ACOXL: variants seen among roughly 807,000 people sequenced by gnomAD.
ACOXL encodes the protein acyl-CoA oxidase like.
A neutral mutation model predicts 71.9 loss-of-function variants in ACOXL; 70 were observed. That is an observed-to-expected ratio of 0.97 (90% CI 0.80 to 1.19). The LOEUF (loss-of-function observed/expected upper bound fraction) is 1.19, where lower values mean the gene tolerates loss of function less well. Ranked by LOEUF, ACOXL falls within the 50% of genes most tolerant of loss-of-function variation. The probability of loss-of-function intolerance (pLI) is 0.00; values close to 1 mark genes in which losing one functional copy is unlikely to be tolerated. For missense variants in ACOXL, 703 were observed against 736.3 expected (o/e 0.95, Z 0.52); for synonymous variants, 253 against 281.6 (o/e 0.90, Z 1.02).
At chr2:110,894,351 A>C (rs1415132298) in intron 10 of ACOXL, among the ~76,000 whole-genome samples, 3 of 147,974 alleles carry the variant, frequency 2.0e-5, no homozygotes, top group Non-Finnish European at 3.0e-5. Flanking sequence ...AAAAAAGCCC[A>C]AATGAGCCTG....
intron 12 of ACOXL, among the ~76,000 whole-genome samples, chr2:110,980,401 T>C (rs2062651712): frequency 6.6e-6 from 1 of 152,104 alleles, no homozygotes. Context: ...GGGACTGATG[T>C]CATGTGGTGC....
chr2:110,854,667 A>G (rs781774560), intron 10 of ACOXL, among the ~76,000 whole-genome samples: 7 of 152,210 alleles, frequency 4.6e-5, no homozygotes, highest in Non-Finnish European at 8.8e-5. Context: ...CTTCAGGTGC[A>G]GGGATGATGT....
chr2:110,933,694 T>C, intron 12 of ACOXL, 52 bp downstream of exon 12: 2 of 1,557,600 alleles, frequency 1.3e-6, no homozygotes, highest in South Asian at 2.4e-5. Context: ...CAACCCACAC[T>C]GGGGGAGCAC....
rs1194190215 is a variant in ACOXL at position 111,118,173 on chromosome 2, G to A, written c.*357G>A. ...CCGCCAAAGGTCTCCTGCTGTTAGC[G>A]GTGACTCACATTCCCAGTGATTTAG... On this transcript the variant is annotated 3_prime_UTR_variant, in exon 18 of 18. Transcript: ENST00000439055. 13 of 379,354 alleles carry A rather than the reference G, an allele frequency of 3.4e-5. No individual in the cohort carries two copies. In the East Asian group the frequency reaches 6.8e-4, roughly 20 times the overall value. The allele number at this position is 379,354 out of a possible 1,614,324, so 23.5% of individuals were successfully genotyped here. A position where few individuals can be genotyped will look rare whatever the true frequency, so the allele number is the denominator to read the frequency against.
At chr2:110,850,747 A>G (rs1305197968) in intron 10 of ACOXL, among the ~76,000 whole-genome samples, 1 of 152,196 alleles carries the variant, frequency 6.6e-6, no homozygotes, top group Non-Finnish European at 1.5e-5. Flanking sequence ...CCACTTTGGA[A>G]AAACACTTTG....
At chr2:110,833,578 A>G (rs1043497014) in intron 9 of ACOXL, among the ~76,000 whole-genome samples, 3 of 152,178 alleles carry the variant, frequency 2.0e-5, no homozygotes, top group African/African-American at 7.2e-5. Flanking sequence ...TACTGGATAA[A>G]GGGTACCCGG....
intron 17 of ACOXL, chr2:111,093,635 CG>C: frequency 8.3e-7 from 1 of 1,204,988 alleles, no homozygotes. Context: ...GAGGCTGAGG[CG>C]GGCAGATCTC....
chr2:110,821,686 A>G, intron 9 of ACOXL, among the ~76,000 whole-genome samples: 1 of 152,142 alleles, frequency 6.6e-6, no homozygotes, highest in East Asian at 1.9e-4. Flanking sequence ...GTGAGGAGTT[A>G]TGTTCCACCT....
At chr2:110,818,464 T>C (rs1192093440) in intron 9 of ACOXL, among the ~76,000 whole-genome samples, 2 of 147,488 alleles carry the variant, frequency 1.4e-5, no homozygotes, top group Non-Finnish European at 3.0e-5. Flanking sequence ...TATATATATA[T>C]ATGTATATGT....
At chr2:110,846,401 C>A (rs1252903523) in intron 10 of ACOXL, among the ~76,000 whole-genome samples, 1 of 152,120 alleles carries the variant, frequency 6.6e-6, no homozygotes, top group African/African-American at 2.4e-5. Flanking sequence ...TCACTAAAAT[C>A]CTGTACCCTT....
chr2:111,054,631 G>A (rs868390384), intron 16 of ACOXL, among the ~76,000 whole-genome samples: 3 of 152,276 alleles, frequency 2.0e-5, no homozygotes, highest in East Asian at 1.9e-4. Flanking sequence ...GCCTGGGAGC[G>A]TGTGGAAGGA....
intron 1 of ACOXL, among the ~76,000 whole-genome samples, chr2:110,763,620 CTT>C (rs1680680886): frequency 6.6e-6 from 1 of 152,104 alleles, no homozygotes; most frequent in Non-Finnish European, 1.5e-5. Context: ...GTCCATATGA[CTT>C]TGCATTTGGT....
chr2:111,114,251 G>A (rs992619037), intron 17 of ACOXL: 2 of 152,672 alleles, frequency 1.3e-5, no homozygotes, highest in African/African-American at 4.8e-5. Flanking sequence ...AGGCACCTTG[G>A]TCCATCTCTA....
At chr2:110,836,761 AG>A (rs1370770486) in intron 9 of ACOXL, among the ~76,000 whole-genome samples, 1 of 152,226 alleles carries the variant, frequency 6.6e-6, no homozygotes, top group Non-Finnish European at 1.5e-5. Context: ...GTAAAGAAAA[AG>A]CTTCCCACAA....
chr2:110,993,707 A>G (rs1191031974), intron 13 of ACOXL, among the ~76,000 whole-genome samples: 1 of 152,212 alleles, frequency 6.6e-6, no homozygotes, highest in African/African-American at 2.4e-5. Flanking sequence ...AAACTGTGAC[A>G]ACATTTTGCA....
chr2:111,035,066 C>G (rs2065448789), intron 15 of ACOXL, among the ~76,000 whole-genome samples: 2 of 152,098 alleles, frequency 1.3e-5, no homozygotes, highest in Admixed American at 1.3e-4. Context: ...CGGGGTTTCA[C>G]TGTGTTTGCC....
At chr2:110,895,667 TAG>T (rs3058996) in intron 10 of ACOXL, among the ~76,000 whole-genome samples, 34 of 148,274 alleles carry the variant, frequency 2.3e-4, no homozygotes, top group Non-Finnish European at 3.3e-4. Flanking sequence ...TTGAAAACAA[TAG>T]AGAGAGAGAG....
At chr2:110,885,947 C>T (rs1419089952) in intron 10 of ACOXL, among the ~76,000 whole-genome samples, 1 of 152,100 alleles carries the variant, frequency 6.6e-6, no homozygotes, top group Non-Finnish European at 1.5e-5. Context: ...GTAAAGTGGC[C>T]TATGAAGTGT....
chr2:110,913,337 A>G (rs1438363510), intron 11 of ACOXL, among the ~76,000 whole-genome samples: 1 of 152,224 alleles, frequency 6.6e-6, no homozygotes, highest in Non-Finnish European at 1.5e-5. Flanking sequence ...TAATAATGAA[A>G]ATGTGGAAAA....
Sources: allele counts gnomAD v4.1 joint callset (sites outside exome capture counted in the v4.1 genomes callset), GRCh38; gene constraint gnomAD v4.1.1; transcripts MANE v1.5; gene names NCBI Gene and HGNC (gene_info 2026-07-23, HGNC 2026-07-21).